Variants in ELAPOR2 observed in about 807,000 individuals in gnomAD.
ELAPOR2 encodes endosome/lysosome-associated apoptosis and autophagy regulator family member 2.
A neutral mutation model predicts 120.7 loss-of-function variants in ELAPOR2; 89 were observed. The ratio of observed to expected loss-of-function variants is 0.74; its 90% CI spans 0.62 to 0.88. The LOEUF (loss-of-function observed/expected upper bound fraction) is 0.88. Ranked by LOEUF, ELAPOR2 falls within the 40% of genes least tolerant of loss-of-function variation. ELAPOR2 has a pLI of 0.00. For missense variants in ELAPOR2, 1,134 were observed against 1,251.6 expected, an observed-to-expected ratio of 0.91 and a Z score of 1.42; for synonymous variants, 444 against 444.9, an observed-to-expected ratio of 1.00 and a Z score of 0.03.
chr7:87,027,272 C>T (rs976478965), intron 1 of ELAPOR2, among the ~76,000 whole-genome samples: 3 of 152,094 alleles, frequency 2.0e-5, no homozygotes, highest in Non-Finnish European at 4.4e-5. Flanking sequence ...AAAAGTCTGA[C>T]ATCATATTCA....
chr7:87,039,874 A>G (rs1467613779), intron 1 of ELAPOR2, among the ~76,000 whole-genome samples: 3 of 152,108 alleles, frequency 2.0e-5, no homozygotes, highest in East Asian at 1.9e-4. Context: ...TCATCTCACT[A>G]GGGAGTGCCA....
chr7:86,967,554 A>G (rs1336611748), intron 1 of ELAPOR2, among the ~76,000 whole-genome samples: 1 of 152,218 alleles, frequency 6.6e-6, no homozygotes, highest in Non-Finnish European at 1.5e-5. Flanking sequence ...TTATCATCCT[A>G]GCAAAATAAT....
At chr7:86,994,252 A>C (rs1319075415) in intron 1 of ELAPOR2, among the ~76,000 whole-genome samples, 1 of 152,196 alleles carries the variant, frequency 6.6e-6, no homozygotes, top group African/African-American at 2.4e-5. Context: ...ATGAAGAAAC[A>C]ACATTAGAGT....
At chr7:86,944,797 A>C (rs1245550581) in intron 4 of ELAPOR2, 102 bp downstream of exon 4, 22 of 981,798 alleles carry the variant, frequency 2.2e-5, no homozygotes, top group Admixed American at 7.0e-5. Context: ...CACACACAAA[A>C]AAAAAACTGA....
rs563248671 is a variant in ELAPOR2, at chr7:87,041,416, C to T, written c.189+17909G>A. On this transcript the variant is annotated intron_variant, in intron 1 of 21. Coordinates refer to ENST00000450689, the MANE Select transcript of ELAPOR2 (RefSeq NM_001142749.3). ...CCCATCAGACTAACAGCGGATCTCT[C>T]GGCATAAACCCTACGAGCCAGAAGA... Among the ~76,000 whole-genome samples, 733 of 151,314 alleles carry T rather than the reference C, an allele frequency of 4.8e-3. 8 individuals are homozygous for T. Among genetic ancestry groups the T allele is most frequent in the African/African-American group, 0.017 (698 of 40,650 alleles).
chr7:86,909,783 C>T (rs1789209708), intron 16 of ELAPOR2, 29 bp downstream of exon 16: 2 of 1,523,014 alleles, frequency 1.3e-6, no homozygotes, highest in Non-Finnish European at 1.8e-6. Context: ...TAAATGTATG[C>T]ATGCATATAT....
intron 2 of ELAPOR2, among the ~76,000 whole-genome samples, chr7:86,948,225 T>C (rs1791084676): frequency 6.6e-6 from 1 of 152,124 alleles, no homozygotes; most frequent in South Asian, 2.1e-4. Context: ...AATCCTACCT[T>C]CTCTACATGG....
chr7:86,910,934 T>G (rs1044960277), intron 15 of ELAPOR2, among the ~76,000 whole-genome samples: 1 of 152,136 alleles, frequency 6.6e-6, no homozygotes, highest in East Asian at 1.9e-4. Flanking sequence ...TTTTTTTTAC[T>G]AGGCTTAAAT....
rs754363026 is a variant in ELAPOR2, at chr7:86,909,890, T to C, written c.2281A>G (p.Thr761Ala). 6.2e-7 allele frequency: 1 copy of C among 1,613,588 alleles called. No homozygotes were observed. Among genetic ancestry groups the C allele is most frequent in the Non-Finnish European group, 8.5e-7 (1 of 1,179,662 alleles). The change falls in exon 16 of 22, where the codon ACA becomes GCA. Residue 761 changes from threonine to alanine, a missense_variant. Thr to Ala is a moderately conservative substitution (Grantham distance 58). Around this residue, in one of 3 missense-constraint regions of ELAPOR2, gnomAD observed 831 missense variants for 867.6 expected, o/e 0.96. Transcript: ENST00000450689. ...CCCTTACTTTCAGAAGGAATAATTG[T>C]TGACTGGCATACAAATGCCCCTACC... is the stretch of plus-strand genomic sequence containing the variant. ...NLVGAFVCQS[T>A]IIPSESKGFR...
chr7:87,030,420 C>T (rs2116730716), intron 1 of ELAPOR2, among the ~76,000 whole-genome samples: 1 of 151,982 alleles, frequency 6.6e-6, no homozygotes, highest in South Asian at 2.1e-4. Flanking sequence ...ACAGAATTCT[C>T]ATCAGCTCCC....
chr7:86,893,983 T>C (rs1788319005), intron 19 of ELAPOR2, among the ~76,000 whole-genome samples: 1 of 152,094 alleles, frequency 6.6e-6, no homozygotes, highest in Non-Finnish European at 1.5e-5. Context: ...TAGGCACTAA[T>C]CTTTTAACGT....
At chr7:86,975,013 A>G (rs779281629) in intron 1 of ELAPOR2, among the ~76,000 whole-genome samples, 1 of 152,200 alleles carries the variant, frequency 6.6e-6, no homozygotes, top group Non-Finnish European at 1.5e-5. Flanking sequence ...TACTTTCGAA[A>G]TGAGCAGATA....
chr7:87,058,611 CAAT>C (rs1454056087), intron 1 of ELAPOR2, among the ~76,000 whole-genome samples: 1 of 152,162 alleles, frequency 6.6e-6, no homozygotes, highest in East Asian at 1.9e-4. Context: ...TGTAAAACAA[CAAT>C]GATTACAAGC....
intron 1 of ELAPOR2, among the ~76,000 whole-genome samples, chr7:87,055,532 C>G (rs931803134): frequency 6.6e-6 from 1 of 152,096 alleles, no homozygotes; most frequent in Admixed American, 6.6e-5. Flanking sequence ...ATGTTTCTGC[C>G]CTTTTTCAAT....
At chr7:86,902,362 G>A (rs1048501686) in intron 18 of ELAPOR2, among the ~76,000 whole-genome samples, 2 of 152,124 alleles carry the variant, frequency 1.3e-5, no homozygotes, top group African/African-American at 4.8e-5. Context: ...TTTTAGTAGA[G>A]ACAGGGTTTC....
chr7:86,939,845 C>T (rs1172062612), intron 6 of ELAPOR2, among the ~76,000 whole-genome samples, 165 bp downstream of exon 6: 1 of 152,068 alleles, frequency 6.6e-6, no homozygotes, highest in Non-Finnish European at 1.5e-5. Context: ...AAACAACTGT[C>T]GATTTCTTGG....
chr7:86,882,453 C>T (rs1461795238), intron 21 of ELAPOR2, among the ~76,000 whole-genome samples: 1 of 152,132 alleles, frequency 6.6e-6, no homozygotes, highest in Non-Finnish European at 1.5e-5. Flanking sequence ...AAGTAAAACA[C>T]TGAAAATCCT....
At chr7:86,960,214 T>C (rs1389788921) in intron 2 of ELAPOR2, among the ~76,000 whole-genome samples, 1 of 152,196 alleles carries the variant, frequency 6.6e-6, no homozygotes, top group East Asian at 1.9e-4. Flanking sequence ...ACCTGTTAGG[T>C]CCATTTGGTC....
intron 21 of ELAPOR2, among the ~76,000 whole-genome samples, chr7:86,886,574 T>C (rs1338542600): frequency 6.6e-6 from 1 of 152,156 alleles, no homozygotes; most frequent in Non-Finnish European, 1.5e-5. Context: ...TAGTCAAAAC[T>C]AAATTTCATT....
Sources: gnomAD v4.1 joint callset for allele counts (sites outside exome capture counted in the v4.1 genomes callset) on GRCh38, gnomAD v4.1.1 for gene constraint, gnomAD v4.1.1 regional missense constraint, MANE v1.5 for transcripts, NCBI Gene and HGNC (gene_info 2026-07-23, HGNC 2026-07-21) for gene names.